The following LMO7 variants were observed in gnomAD, a reference collection of about 807,000 sequenced individuals.
LMO7 encodes the protein LIM domain 7.
Under a neutral mutation model 206.5 loss-of-function variants are expected in LMO7, and 120 were observed. The ratio of observed to expected loss-of-function variants is 0.58; its 90% CI spans 0.50 to 0.68. The LOEUF (loss-of-function observed/expected upper bound fraction) is 0.68, where lower values mean the gene tolerates loss of function less well. Among genes scored for constraint, LMO7 ranks in the 30% least tolerant of loss-of-function variants. The pLI, the probability that LMO7 is intolerant of heterozygous loss-of-function variation, is 0.00. For missense variants in LMO7, 1,959 were observed against 1,957.9 expected (o/e 1.00, Z -0.01); for synonymous variants, 706 against 681.5 (o/e 1.04, Z -0.56).
intron 1 of LMO7, among the ~76,000 whole-genome samples, chr13:75,690,688 A>G (rs1242805051): frequency 2.0e-5 from 3 of 152,222 alleles, no homozygotes; most frequent in African/African-American, 7.2e-5. Flanking sequence ...TATTCCAGTA[A>G]AACTTTACTT....
intron 11 of LMO7, among the ~76,000 whole-genome samples, chr13:75,816,462 C>G (rs1035308202): frequency 2.0e-5 from 3 of 152,230 alleles, no homozygotes; most frequent in African/African-American, 4.8e-5. Context: ...GTGCCCAACA[C>G]CCCACTCTGT....
chr13:75,688,211 T>A (rs1309382918), intron 1 of LMO7, among the ~76,000 whole-genome samples: 1 of 152,146 alleles, frequency 6.6e-6, no homozygotes, highest in Non-Finnish European at 1.5e-5. Flanking sequence ...CACAGTACCT[T>A]TAAACCAAGT....
At chr13:75,736,028 TTTG>T (rs1243629187) in intron 3 of LMO7, among the ~76,000 whole-genome samples, 2 of 152,082 alleles carry the variant, frequency 1.3e-5, no homozygotes, top group African/African-American at 4.8e-5. Flanking sequence ...ATTGTAGTGG[TTTG>T]TTGTTGTTGG....
chr13:75,633,385 T>G (rs1249715609), upstream of LMO7, among the ~76,000 whole-genome samples: 2 of 152,074 alleles, frequency 1.3e-5, no homozygotes, highest in East Asian at 3.8e-4. Flanking sequence ...CAATAAAAAG[T>G]AGTTGAACAA....
chr13:75,701,151 TGGAA>T (rs2042260300), intron 1 of LMO7, among the ~76,000 whole-genome samples: 1 of 38,152 alleles, frequency 2.6e-5, no homozygotes, highest in African/African-American at 2.6e-4. Context: ...TTTTTGCTTC[TGGAA>T]GGTTGACATG....
rs139490120 is a variant in LMO7, at chr13:75,703,714, T to TTGTG, written c.70-9445_70-9442dup. Among the ~76,000 whole-genome samples, 69 of 147,682 alleles carry TTGTG rather than the reference T, an allele frequency of 4.7e-4. 1 individual carries two copies. The highest frequency in any genetic ancestry group is 7.2e-4 in the African/African-American group (29 of 40,538). ...CTCAGCTTCTCTGACTTCAGGTTCT[T>TTGTG]TGTGTGTGTGTGTGTGTGTGTGTGT... On this transcript the variant is annotated intron_variant, in intron 1 of 30. Transcript: ENST00000377534.
At chr13:75,777,878 C>A (rs964663764) in intron 4 of LMO7, among the ~76,000 whole-genome samples, 1 of 152,072 alleles carries the variant, frequency 6.6e-6, no homozygotes, top group South Asian at 2.1e-4. Context: ...ATCTCCTGAC[C>A]TCGTGATCCG....
intron 12 of LMO7, among the ~76,000 whole-genome samples, chr13:75,818,245 G>A (rs895754178): frequency 6.6e-6 from 1 of 152,122 alleles, no homozygotes; most frequent in African/African-American, 2.4e-5. Flanking sequence ...AAAAATTCAT[G>A]CCAGTTATGC....
intron 3 of LMO7, among the ~76,000 whole-genome samples, chr13:75,751,149 C>CTTTTTTTTTTTTTTTTT (rs57976279): frequency 5.0e-5 from 3 of 60,390 alleles, no homozygotes; most frequent in African/African-American, 1.3e-4. Flanking sequence ...TTTTTCAGCT[C>CTTTTTTTTTTTTTTTTT]TTTTTTTTTT....
chr13:75,727,398 T>A (rs898222225), intron 3 of LMO7, among the ~76,000 whole-genome samples: 2 of 151,982 alleles, frequency 1.3e-5, no homozygotes, highest in East Asian at 3.8e-4. Context: ...ATTTCTAAAC[T>A]AAATTGCTAA....
chr13:75,682,579 G>A (rs1308961566), intron 1 of LMO7, among the ~76,000 whole-genome samples: 1 of 152,048 alleles, frequency 6.6e-6, no homozygotes, highest in Non-Finnish European at 1.5e-5. Flanking sequence ...GAAAGGGGAG[G>A]GTGGTGGCCT....
chr13:75,760,237 A>G (rs2048042771), intron 3 of LMO7: 3 of 412,788 alleles, frequency 7.3e-6, no homozygotes, highest in Non-Finnish European at 9.8e-6. Flanking sequence ...GAAATTAGAT[A>G]TGAGGGCAAC....
Position 75,636,355 on chromosome 13 carries a change from G to T in LMO7, c.-303G>T, listed in dbSNP as rs1158101687. On this transcript the variant is annotated 5_prime_UTR_variant, in exon 1 of 31. Transcript: ENST00000377534. ...AAACTGTCGTCGGGGCTGGTGCCGCGCGCTGCCGCTGGGCACCCGCTTCGC... is the reference window on the plus strand; with the variant it reads ...AAACTGTCGTCGGGGCTGGTGCCGCTCGCTGCCGCTGGGCACCCGCTTCGC... 7 of 1,233,366 alleles carry T rather than the reference G, an allele frequency of 5.7e-6. No individual in the cohort carries two copies. Among genetic ancestry groups the T allele is most frequent in the Non-Finnish European group, 7.1e-6 (7 of 982,530 alleles). The allele number at this position is 1,233,366 out of a possible 1,614,324, so 76.4% of individuals were successfully genotyped here. A position where few individuals can be genotyped will look rare whatever the true frequency, so the allele number is the denominator to read the frequency against.
chr13:75,831,426 T>C (rs2058658960), intron 15 of LMO7, among the ~76,000 whole-genome samples: 1 of 152,170 alleles, frequency 6.6e-6, no homozygotes, highest in East Asian at 1.9e-4. Flanking sequence ...AAATTCTTGA[T>C]CCTTTATTTA....
chr13:75,774,948 A>G (rs1156397797), intron 4 of LMO7, among the ~76,000 whole-genome samples: 1 of 152,114 alleles, frequency 6.6e-6, no homozygotes, highest in Non-Finnish European at 1.5e-5. Flanking sequence ...GAGATTATCT[A>G]ATAAAAAATA....
intron 1 of LMO7, among the ~76,000 whole-genome samples, chr13:75,710,357 G>T (rs1407321313): frequency 1.3e-5 from 2 of 152,136 alleles, no homozygotes; most frequent in Admixed American, 1.3e-4. Flanking sequence ...TAGCTTGATG[G>T]GGATGGCATT....
At chr13:75,654,581 T>G (rs1594084873) in intron 1 of LMO7, among the ~76,000 whole-genome samples, 1 of 152,098 alleles carries the variant, frequency 6.6e-6, no homozygotes, top group East Asian at 1.9e-4. Flanking sequence ...GGGTTAGAGA[T>G]GGGGCAAACA....
At chr13:75,633,988 G>A (rs576097008), upstream of LMO7, among the ~76,000 whole-genome samples, 129 of 141,102 alleles carry the variant, frequency 9.1e-4, no homozygotes, top group African/African-American at 3.0e-3. Context: ...GTGCCACCAC[G>A]TCCAGCTAAT....
rs147964760 is a variant in LMO7, at chr13:75,707,138, T to C, written c.70-6044T>C. 4.0e-3 allele frequency among the ~76,000 whole-genome samples: 609 copies of C among 151,390 alleles called. 6 individuals carry two copies. The highest frequency in any genetic ancestry group is 0.014 in the African/African-American group (575 of 41,450). The stretch of plus-strand genomic sequence containing the variant: ...TTCTTCTGAATGTTGTTCTTTTATA[T>C]TAATAAATTTATTTATAAATTTATA... On this transcript the variant is annotated intron_variant, in intron 1 of 30. Coordinates refer to ENST00000377534, the MANE Select transcript of LMO7 (RefSeq NM_001306080.2).
Sources: allele counts gnomAD v4.1 joint callset (sites outside exome capture counted in the v4.1 genomes callset), GRCh38; gene constraint gnomAD v4.1.1; transcripts MANE v1.5; gene names NCBI Gene and HGNC (gene_info 2026-07-23, HGNC 2026-07-21).